Variants in KCNN2 observed in about 807,000 individuals in gnomAD.
KCNN2 encodes the protein small conductance calcium-activated potassium channel protein 2.
Under a neutral mutation model 55.5 loss-of-function variants are expected in KCNN2, and 24 were observed. The ratio of observed to expected loss-of-function variants is 0.43; its 90% CI spans 0.31 to 0.61. The LOEUF (loss-of-function observed/expected upper bound fraction) is 0.61. KCNN2 is among the 20% of genes least tolerant of loss of function. KCNN2 has a pLI of 0.08. For synonymous variants in KCNN2, 431 were observed against 336.1 expected (o/e 1.28, Z -3.09); for missense variants, 754 against 853.6 (o/e 0.88, Z 1.45).
At chr5:114,199,881 TCTAA>T (rs1253439128) in intron 1 of KCNN2, among the ~76,000 whole-genome samples, 4 of 152,254 alleles carry the variant, frequency 2.6e-5, no homozygotes, top group South Asian at 2.1e-4. Flanking sequence ...TTCCTGTTAG[TCTAA>T]CTAACAGGGT....
intron 2 of KCNN2, among the ~76,000 whole-genome samples, chr5:114,368,486 G>A (rs1757669655): frequency 1.3e-5 from 2 of 152,112 alleles, no homozygotes; most frequent in South Asian, 4.1e-4. Flanking sequence ...ACTAGTTGGG[G>A]AGGGGTGGTC....
At chr5:114,100,178 G>T (rs973363866) in intron 1 of KCNN2, among the ~76,000 whole-genome samples, 12 of 151,714 alleles carry the variant, frequency 7.9e-5, no homozygotes, top group Admixed American at 7.9e-4. Flanking sequence ...TATTCCAATA[G>T]GAGAAATAAA....
chr5:114,132,695 T>C (rs1561488766), intron 1 of KCNN2, among the ~76,000 whole-genome samples: 1 of 152,156 alleles, frequency 6.6e-6, no homozygotes, highest in Non-Finnish European at 1.5e-5. Context: ...GATTGAGGGA[T>C]AAAAGCATAA....
At chr5:114,313,101 A>G (rs1462767272) in intron 2 of KCNN2, among the ~76,000 whole-genome samples, 4 of 152,100 alleles carry the variant, frequency 2.6e-5, no homozygotes, top group Admixed American at 6.6e-5. Context: ...TCCCACTTAC[A>G]TGGCTCCTGT....
exon 1 of KCNN2, chr5:114,056,329 A>G: frequency 2.5e-6 from 1 of 398,578 alleles, no homozygotes; most frequent in Non-Finnish European, 4.4e-6. Context: ...GGTCCTGGCT[A>G]GGACTCCTGA....
intron 1 of KCNN2, among the ~76,000 whole-genome samples, chr5:114,172,886 C>G (rs1753066349): frequency 1.3e-5 from 2 of 151,660 alleles, no homozygotes; most frequent in Admixed American, 1.3e-4. Context: ...TGTGGGTTGT[C>G]TCTTCACTTT....
At chr5:114,086,763 G>C (rs958239631) in intron 1 of KCNN2, among the ~76,000 whole-genome samples, 29 of 152,050 alleles carry the variant, frequency 1.9e-4, no homozygotes, top group Admixed American at 1.8e-3. Context: ...GTGTCTTTTT[G>C]ATAGAATGAT....
intron 3 of KCNN2, among the ~76,000 whole-genome samples, chr5:114,446,058 T>G (rs1760394053): frequency 6.6e-6 from 1 of 152,156 alleles, no homozygotes; most frequent in Admixed American, 6.5e-5. Context: ...ACTGGCCTCC[T>G]CCCCTGGCCC....
At chr5:114,459,851 T>C (rs1761112720) in intron 3 of KCNN2, among the ~76,000 whole-genome samples, 1 of 152,184 alleles carries the variant, frequency 6.6e-6, no homozygotes, top group South Asian at 2.1e-4. Flanking sequence ...CAGCATATAG[T>C]AAATATTAAT....
At position 114,484,094 on chromosome 5, in the gene KCNN2, T is replaced by C. The variant is rs149810831; in HGVS notation, c.1891-2956T>C. On this transcript the variant is annotated intron_variant, in intron 5 of 7. Coordinates refer to ENST00000673685, the MANE Select transcript of KCNN2 (RefSeq NM_021614.4). ...TAGTGTGGTTCATGAGAAGAAGTTT[T>C]TATGTATAAATTATATGTGCTGTGG... Among the ~76,000 whole-genome samples, 780 of 152,268 alleles carry C rather than the reference T, an allele frequency of 5.1e-3. 5 individuals are homozygous for C. Among genetic ancestry groups the C allele is most frequent in the African/African-American group, 0.015 (603 of 41,560 alleles).
intron 2 of KCNN2, among the ~76,000 whole-genome samples, chr5:114,380,469 A>G (rs1453944970): frequency 6.6e-6 from 1 of 152,174 alleles, no homozygotes; most frequent in Non-Finnish European, 1.5e-5. Context: ...TCGTGATTCA[A>G]TTCCAGGTTT....
intron 1 of KCNN2, among the ~76,000 whole-genome samples, chr5:114,164,561 C>T (rs1019686258): frequency 7.2e-5 from 11 of 151,968 alleles, no homozygotes; most frequent in African/African-American, 2.7e-4. Context: ...GGAAATTTAC[C>T]AAATTCAAGT....
chr5:114,383,144 C>A (rs951362065), intron 2 of KCNN2, among the ~76,000 whole-genome samples: 1 of 152,100 alleles, frequency 6.6e-6, no homozygotes, highest in East Asian at 1.9e-4. Context: ...AGTAGAAGAA[C>A]TGTTTAGCTG....
chr5:114,385,472 C>T (rs947718423), intron 2 of KCNN2, among the ~76,000 whole-genome samples: 16 of 151,776 alleles, frequency 1.1e-4, no homozygotes, highest in African/African-American at 3.9e-4. Flanking sequence ...TCTTACCTCT[C>T]CCATTCCTTC....
At chr5:114,397,355 T>G (rs1220595798) in intron 2 of KCNN2, among the ~76,000 whole-genome samples, 1 of 152,148 alleles carries the variant, frequency 6.6e-6, no homozygotes, top group Non-Finnish European at 1.5e-5. Context: ...GTGTAAGTAT[T>G]CCCTTTTCTC....
intron 1 of KCNN2, among the ~76,000 whole-genome samples, chr5:114,195,629 GA>G: frequency 6.6e-6 from 1 of 151,982 alleles, no homozygotes; most frequent in East Asian, 1.9e-4. Flanking sequence ...CCTATGAAGA[GA>G]GATAGTTTTA....
chr5:114,059,425 G>A (rs959606721), intron 1 of KCNN2, among the ~76,000 whole-genome samples: 8 of 152,200 alleles, frequency 5.3e-5, no homozygotes, highest in African/African-American at 1.9e-4. Context: ...GGAAGTATGA[G>A]CATATAGGTG....
chr5:114,300,034 T>C (rs1032808141), intron 2 of KCNN2, among the ~76,000 whole-genome samples: 2 of 152,068 alleles, frequency 1.3e-5, no homozygotes, highest in African/African-American at 4.8e-5. Flanking sequence ...ATGGTGTTTT[T>C]TTTTCCACTC....
At chr5:114,236,638 C>G (rs1483706068) in intron 2 of KCNN2, among the ~76,000 whole-genome samples, 2 of 152,030 alleles carry the variant, frequency 1.3e-5, no homozygotes, top group Admixed American at 1.3e-4. Context: ...GATTTTGCTG[C>G]CCCCCTTCAT....
Sources: gnomAD v4.1 joint callset for allele counts (sites outside exome capture counted in the v4.1 genomes callset) on GRCh38, gnomAD v4.1.1 for gene constraint, MANE v1.5 for transcripts, NCBI Gene and HGNC (gene_info 2026-07-23, HGNC 2026-07-21) for gene names.